UTP20: variants seen among roughly 807,000 people sequenced by gnomAD.
The protein encoded by UTP20 is small subunit processome component 20 homolog.
In UTP20, 164 loss-of-function variants were observed where a neutral mutation model predicts 329.5. That is an observed-to-expected ratio of 0.50 (90% CI 0.44 to 0.57). The LOEUF is 0.57. Among genes scored for constraint, UTP20 ranks in the 20% least tolerant of loss-of-function variants. The pLI is 0.00. For synonymous variants in UTP20, 1,151 were observed against 1,159.3 expected (o/e 0.99, Z 0.14); for missense variants, 3,055 against 3,284.2 (o/e 0.93, Z 1.71).
intron 31 of UTP20, among the ~76,000 whole-genome samples, chr12:101,340,124 A>G (rs1374087295): frequency 6.6e-6 from 1 of 152,148 alleles, no homozygotes; most frequent in East Asian, 1.9e-4. Flanking sequence ...TGATTCCTAT[A>G]TTGCAGGGCT....
chr12:101,294,763 T>TTAAC (rs144064761), intron 11 of UTP20, among the ~76,000 whole-genome samples: 2,830 of 152,020 alleles, frequency 0.019, 51 homozygotes, highest in African/African-American at 0.049. Flanking sequence ...GGCTGGTCTC[T>TTAAC]TAACTCCTGA....
chr12:101,319,614 A>G lies in UTP20; in HGVS notation c.2808A>G (p.Lys936=), dbSNP rs1435189135. The change falls in exon 23 of 62, where the codon AAA becomes AAG. Residue 936 remains lysine (K), a synonymous_variant. Coordinates refer to ENST00000261637, the MANE Select transcript of UTP20 (RefSeq NM_014503.3). ...CACGGGCCTTATATCTGGAATCCAA[A>G]CTATATGAGTTATATCTTCAGGTCA... ...SNPRALYLES[K]LYELYLQLLL... is the part of the protein sequence containing the mutation. The G allele has an allele frequency of 6.2e-7, 1 of 1,606,120 alleles. No individual in the cohort carries two copies. Among genetic ancestry groups the G allele is most frequent in the Non-Finnish European group, 8.5e-7 (1 of 1,178,622 alleles).
intron 32 of UTP20, among the ~76,000 whole-genome samples, chr12:101,341,659 C>T (rs1316126171): frequency 2.0e-5 from 3 of 152,190 alleles, no homozygotes; most frequent in African/African-American, 4.8e-5. Flanking sequence ...GTAATCCCCG[C>T]ACTTTGGGAG....
At chr12:101,301,713 G>T (rs1336213835) in intron 14 of UTP20, among the ~76,000 whole-genome samples, 1 of 152,020 alleles carries the variant, frequency 6.6e-6, no homozygotes, top group Non-Finnish European at 1.5e-5. Context: ...AATGTATTAT[G>T]GGTAGTAGCC....
chr12:101,363,468 C>T, intron 44 of UTP20, 108 bp from the exon 45 acceptor site: 2 of 957,038 alleles, frequency 2.1e-6, no homozygotes, highest in Admixed American at 6.3e-5. Context: ...TCCAGTCCAA[C>T]TTGCATTTCT....
At position 101,365,569 on chromosome 12, in the gene UTP20, A is replaced by G. The variant is rs143411603; in HGVS notation, c.6069A>G (p.Leu2023=). 296 of 1,612,450 alleles carry G rather than the reference A, an allele frequency of 1.8e-4. No individual in the cohort carries two copies. The African/African-American group carries it at 3.7e-3, about 20-fold the overall frequency. Residue 2023 remains leucine, a synonymous_variant, in exon 46 of 62, where the codon CTA becomes CTG. Coordinates refer to ENST00000261637, the MANE Select transcript of UTP20 (RefSeq NM_014503.3). ...VNQEMTAESI[L]LLSYGLISEN... is the part of the protein sequence containing the mutation. The stretch of plus-strand genomic sequence containing the variant: ...AGGAAATGACAGCTGAATCCATTCT[A>G]TTACTCAGTTATGGTTTGATCAGTG...
chr12:101,314,527 G>A (rs1872903145), intron 21 of UTP20, among the ~76,000 whole-genome samples: 1 of 151,950 alleles, frequency 6.6e-6, no homozygotes, highest in African/African-American at 2.4e-5. Context: ...GCGTGGTGGT[G>A]GGTGCCTGTA....
intron 30 of UTP20, 76 bp downstream of exon 30, chr12:101,338,353 A>G (rs1472359642): frequency 1.3e-6 from 2 of 1,489,150 alleles, no homozygotes; most frequent in African/African-American, 2.8e-5. Flanking sequence ...AAAAAAAATC[A>G]GTATAATTTG....
chr12:101,286,280 A>T, intron 4 of UTP20, 41 bp from the exon 5 acceptor site: 1 of 1,508,942 alleles, frequency 6.6e-7, no homozygotes, highest in Non-Finnish European at 8.9e-7. Context: ...GTAGCCTTTT[A>T]AAAAAATCCA....
At chr12:101,346,655 C>A (rs1869335958) in intron 38 of UTP20, 67 bp downstream of exon 38, 1 of 1,463,766 alleles carries the variant, frequency 6.8e-7, no homozygotes, top group Non-Finnish European at 9.1e-7. Context: ...CCAGAATATA[C>A]ATGGAGTTGG....
chr12:101,356,850 A>C (rs767722668), intron 42 of UTP20, 76 bp from the exon 43 acceptor site: 1 of 1,503,718 alleles, frequency 6.7e-7, no homozygotes, highest in African/African-American at 1.4e-5. Flanking sequence ...CGAGTAATTA[A>C]GAGACTAAAG....
At chr12:101,331,115 A>G (rs759276593) in intron 27 of UTP20, among the ~76,000 whole-genome samples, 26 of 152,226 alleles carry the variant, frequency 1.7e-4, no homozygotes, top group South Asian at 2.1e-4. Context: ...CACAAACTCA[A>G]TCATATTGAC....
intron 11 of UTP20, 35 bp from the exon 12 acceptor site, chr12:101,295,445 G>C: frequency 6.6e-7 from 1 of 1,517,148 alleles, no homozygotes; most frequent in Non-Finnish European, 8.9e-7. Context: ...TATTATATCT[G>C]TTAATAAGTG....
At position 101,319,619 on chromosome 12, in the gene UTP20, A is replaced by G. The variant is rs756496096; in HGVS notation, c.2813A>G (p.Tyr938Cys). 1 of 1,605,056 alleles carries G rather than the reference A, an allele frequency of 6.2e-7. No individual in the cohort carries two copies. Among genetic ancestry groups the G allele is most frequent in the Non-Finnish European group, 8.5e-7 (1 of 1,178,224 alleles). ...GCCTTATATCTGGAATCCAAACTAT[A>G]TGAGTTATATCTTCAGGTCAGTAAA... Reference protein sequence around the residue: ...PRALYLESKLYELYLQLLLHQ... With the variant: ...PRALYLESKLCELYLQLLLHQ... Residue 938 changes from tyrosine to cysteine, a missense_variant, in exon 23 of 62, where the codon TAT (tyrosine) becomes TGT (cysteine). Physicochemically the swap from Tyr to Cys is radical, Grantham distance 194. Around this residue, in one of 3 missense-constraint regions of UTP20, gnomAD observed 2,445 missense variants for 2,575.5 expected, o/e 0.95. Transcript: ENST00000261637.
At chr12:101,358,922 G>C (rs964606571) in intron 43 of UTP20, among the ~76,000 whole-genome samples, 2 of 152,098 alleles carry the variant, frequency 1.3e-5, no homozygotes, top group East Asian at 1.9e-4. Context: ...TTCTCAGGCT[G>C]CTTTAAAGAC....
chr12:101,323,943 C>A (rs1202351785), intron 25 of UTP20, among the ~76,000 whole-genome samples: 7 of 151,920 alleles, frequency 4.6e-5, no homozygotes, highest in African/African-American at 1.7e-4. Context: ...TGGAGACCAG[C>A]CTGACCAACA....
At chr12:101,315,627 G>A (rs1872948937) in intron 21 of UTP20, among the ~76,000 whole-genome samples, 1 of 152,160 alleles carries the variant, frequency 6.6e-6, no homozygotes, top group Admixed American at 6.5e-5. Flanking sequence ...TGGCAGAAAA[G>A]CAATGATTTT....
At chr12:101,295,959 A>AT (rs756363775) in intron 12 of UTP20, among the ~76,000 whole-genome samples, 17 of 152,184 alleles carry the variant, frequency 1.1e-4, no homozygotes, top group Non-Finnish European at 2.4e-4. Flanking sequence ...TTTTTTAACC[A>AT]TTTATTTTAA....
intron 43 of UTP20, among the ~76,000 whole-genome samples, chr12:101,359,501 GTATA>G (rs113405115): frequency 6.4e-4 from 95 of 147,752 alleles, no homozygotes; most frequent in African/African-American, 2.1e-3. Context: ...ATGTGTGTGT[GTATA>G]TATATATATA....
Sources: gnomAD v4.1 joint callset for allele counts (sites outside exome capture counted in the v4.1 genomes callset) on GRCh38, gnomAD v4.1.1 for gene constraint, gnomAD v4.1.1 regional missense constraint, MANE v1.5 for transcripts, NCBI Gene and HGNC (gene_info 2026-07-23, HGNC 2026-07-21) for gene names.